Variants in SPTBN2 observed in about 807,000 individuals in gnomAD.
SPTBN2 encodes the protein spectrin beta chain, non-erythrocytic 2.
A neutral mutation model predicts 284.2 loss-of-function variants in SPTBN2; 107 were observed. The observed-to-expected ratio is 0.38, with a 90% CI of 0.32 to 0.44. The LOEUF (loss-of-function observed/expected upper bound fraction) is 0.44. Among genes scored for constraint, SPTBN2 ranks in the 20% least tolerant of loss-of-function variants. The pLI is 1.00. For missense variants in SPTBN2, 2,569 were observed against 3,287.1 expected (o/e 0.78, Z 5.34); for synonymous variants, 1,289 against 1,354.8 (o/e 0.95, Z 1.07).
intron 15 of SPTBN2, 94 bp from the exon 16 acceptor site, chr11:66,701,815 C>A: frequency 6.5e-7 from 1 of 1,549,216 alleles, no homozygotes; most frequent in South Asian, 1.1e-5. Context: ...AGGAGGGTGT[C>A]TCCTTCACCA....
At chr11:66,706,574 G>T (rs1186138087) in intron 13 of SPTBN2, among the ~76,000 whole-genome samples, 1 of 150,778 alleles carries the variant, frequency 6.6e-6, no homozygotes. Flanking sequence ...CAGGTGATCC[G>T]CCCGCCTCGG....
At chr11:66,699,814 TC>T (rs1351525527) in intron 17 of SPTBN2, among the ~76,000 whole-genome samples, 1 of 152,152 alleles carries the variant, frequency 6.6e-6, no homozygotes, top group African/African-American at 2.4e-5. Context: ...GACCTTCCAT[TC>T]CCCAGCCCAA....
chr11:66,737,981 G>A (rs539292934), intron 1 of SPTBN2, among the ~76,000 whole-genome samples: 2 of 152,242 alleles, frequency 1.3e-5, no homozygotes, highest in African/African-American at 2.4e-5. Context: ...TTGGGAGGCC[G>A]AGGCAGGTGG....
intron 29 of SPTBN2, chr11:66,689,440 AT>A: frequency 1.9e-6 from 1 of 529,568 alleles, no homozygotes; most frequent in Non-Finnish European, 3.4e-6. Context: ...CGCCCGGCTA[AT>A]TTTTGTGTTT....
Position 66,688,040 on chromosome 11 carries a change from A to T in SPTBN2, c.6414T>A (p.Ser2138Arg), listed in dbSNP as rs200701472. The change falls in exon 33 of 38, where the codon AGT (serine) becomes AGA (arginine). Residue 2138 changes from serine (S) to arginine (R), a missense_variant. Ser to Arg is a moderately radical substitution (Grantham distance 110, BLOSUM62 -1). Coordinates refer to ENST00000533211, the MANE Select transcript of SPTBN2 (RefSeq NM_006946.4). ...CTCCATCTGTGCAGACTCCATTAACACTGGGTGCTTGTGTGGATGGTGGTG... is the reference window on the plus strand; with the variant it reads ...CTCCATCTGTGCAGACTCCATTAACTCTGGGTGCTTGTGTGGATGGTGGTG... ...PRPPPSTQAP[S>R]VNGVCTDGEP... is the part of the protein sequence containing the mutation. 7 of 1,614,004 alleles carry T rather than the reference A, an allele frequency of 4.3e-6. No individual in the cohort carries two copies. Among genetic ancestry groups the T allele is most frequent in the South Asian group, 1.1e-5 (1 of 91,082 alleles).
chr11:66,699,662 T>C, intron 17 of SPTBN2, 54 bp from the exon 18 acceptor site: 5 of 1,592,702 alleles, frequency 3.1e-6, no homozygotes, highest in Non-Finnish European at 4.3e-6. Context: ...TTCACCCCCC[T>C]AGGAGGGACC....
intron 3 of SPTBN2, among the ~76,000 whole-genome samples, chr11:66,716,338 C>T (rs1020872120): frequency 1.3e-5 from 2 of 152,020 alleles, no homozygotes; most frequent in Non-Finnish European, 2.9e-5. Flanking sequence ...AAAAAATTAG[C>T]CGGGCATAGT....
intron 27 of SPTBN2, among the ~76,000 whole-genome samples, chr11:66,690,839 C>A (rs1018909424): frequency 6.6e-6 from 1 of 152,168 alleles, no homozygotes; most frequent in African/African-American, 2.4e-5. Flanking sequence ...CTTTTTGAGA[C>A]GGAGTTTCGC....
At chr11:66,711,605 T>C (rs757541268) in intron 8 of SPTBN2, among the ~76,000 whole-genome samples, 39 of 152,170 alleles carry the variant, frequency 2.6e-4, no homozygotes, top group Non-Finnish European at 3.8e-4. Flanking sequence ...TCAAGCCGAA[T>C]TGGCTTCCAG....
Position 66,715,460 on chromosome 11 carries a change from C to T in SPTBN2, c.310-65G>A, listed in dbSNP as rs745410436. The stretch of plus-strand genomic sequence containing the variant: ...CTTCCACCTTCTTCCCCAGCCTTCA[C>T]AGGGCCCAGCTTTGCACACCTTCCC... On this transcript the variant is annotated intron_variant, in intron 4 of 37. Transcript: ENST00000533211. The surrounding 1 kb of genome is among the most constrained non-coding windows in gnomAD (Gnocchi z 5.3). The T allele has an allele frequency of 2.3e-5, 36 of 1,559,606 alleles. No individual in the cohort carries two copies. Among genetic ancestry groups the T allele is most frequent in the Non-Finnish European group, 2.9e-5 (33 of 1,149,822 alleles).
intron 1 of SPTBN2, among the ~76,000 whole-genome samples, chr11:66,736,254 C>G (rs995285912): frequency 9.2e-5 from 14 of 152,070 alleles, no homozygotes; most frequent in African/African-American, 2.4e-4. Context: ...CTAAGCTGAG[C>G]GATGCTGTGA....
Position 66,700,786 on chromosome 11 carries a change from C to A in SPTBN2, c.3313G>T (p.Ala1105Ser), listed in dbSNP as rs1461258744. ...ATLPEAEALLAQHAALRGEVE... is the reference protein window; with the variant it reads ...ATLPEAEALLSQHAALRGEVE... ...TCTCCCCGCAGGGCTGCATGTTGGG[C>A]CAGGAGGGCCTCTGCCTCAGGCAGG... The change falls in exon 17 of 38, where the codon GCC becomes TCC. Residue 1105 changes from alanine (A) to serine (S), a missense_variant. Around this residue, in one of 6 missense-constraint regions of SPTBN2, gnomAD observed 1,012 missense variants for 1,248.9 expected, o/e 0.81. Coordinates refer to ENST00000533211, the MANE Select transcript of SPTBN2 (RefSeq NM_006946.4). The surrounding 1 kb of genome is among the most constrained non-coding windows in gnomAD (Gnocchi z 6.6). 1 of 1,601,512 alleles carries A rather than the reference C, an allele frequency of 6.2e-7. No homozygotes were observed. Among genetic ancestry groups the A allele is most frequent in the Non-Finnish European group, 8.5e-7 (1 of 1,179,800 alleles).
At chr11:66,732,965 C>CA (rs1942823938), upstream of SPTBN2, among the ~76,000 whole-genome samples, 2 of 91,414 alleles carry the variant, frequency 2.2e-5, 1 homozygote, top group African/African-American at 8.5e-5. Flanking sequence ...GACTCTTTTT[C>CA]AAAAAACCAA....
At chr11:66,739,868 C>T (rs1942882267) in intron 1 of SPTBN2, among the ~76,000 whole-genome samples, 1 of 152,132 alleles carries the variant, frequency 6.6e-6, no homozygotes, top group Non-Finnish European at 1.5e-5. Context: ...CCTGTCTCTA[C>T]TAAAAATACA....
chr11:66,684,578 T>A lies in SPTBN2; in HGVS notation c.*1293A>T, dbSNP rs1164402229. On this transcript the variant is annotated 3_prime_UTR_variant, in exon 38 of 38. Coordinates refer to ENST00000533211, the MANE Select transcript of SPTBN2 (RefSeq NM_006946.4). Reference sequence around the variant, plus strand: ...TGAACCCAGGAGGTGGAGGTTGCAATGGGCTGTGATTGCGCCACTGCAGTC... The same window carrying A: ...TGAACCCAGGAGGTGGAGGTTGCAAAGGGCTGTGATTGCGCCACTGCAGTC... Among the ~76,000 whole-genome samples the A allele has an allele frequency of 6.9e-6, 1 of 145,364 alleles. No individual in the cohort carries two copies. Among genetic ancestry groups the A allele is most frequent in the African/African-American group, 2.6e-5 (1 of 38,630 alleles).
In SPTBN2 at chr11:66,688,569, A is replaced by T. The variant is rs1554976632; in HGVS notation, c.6231+84T>A. On this transcript the variant is annotated intron_variant, in intron 31 of 37. Coordinates refer to ENST00000533211, the MANE Select transcript of SPTBN2 (RefSeq NM_006946.4). ...GGGGCCACTGGTGCAGTGGGAAGAG[A>T]GAAGACATGTCTTCTCCAAGCAGAA... is the stretch of plus-strand genomic sequence containing the variant. 15 of 1,565,178 alleles carry T rather than the reference A, an allele frequency of 9.6e-6. No individual in the cohort carries two copies. The South Asian group carries it at 1.7e-4, about 18-fold the overall frequency.
intron 1 of SPTBN2, among the ~76,000 whole-genome samples, chr11:66,737,802 G>T (rs1308579463): frequency 6.6e-6 from 1 of 152,186 alleles, no homozygotes; most frequent in Non-Finnish European, 1.5e-5. Context: ...ACCAGAAAGA[G>T]GTTGAGGAAG....
intron 27 of SPTBN2, 29 bp from the exon 28 acceptor site, chr11:66,690,312 G>A (rs1247478000): frequency 6.4e-7 from 1 of 1,572,704 alleles, no homozygotes; most frequent in South Asian, 1.1e-5. Context: ...GAGTCAGGCA[G>A]AGCGGGGGAC....
At chr11:66,696,625 GT>G in intron 20 of SPTBN2, 85 bp from the exon 21 acceptor site, 1 of 1,556,758 alleles carries the variant, frequency 6.4e-7, no homozygotes, top group Non-Finnish European at 8.8e-7. Flanking sequence ...CTTACGGGCA[GT>G]AGAGACCTGA....
Sources: gnomAD v4.1 joint callset for allele counts (sites outside exome capture counted in the v4.1 genomes callset) on GRCh38, gnomAD v4.1.1 for gene constraint, gnomAD v4.1.1 regional missense constraint, Gnocchi (gnomAD v3.1) non-coding constraint, MANE v1.5 for transcripts, NCBI Gene and HGNC (gene_info 2026-07-23, HGNC 2026-07-21) for gene names.